GPHN: variants seen among roughly 807,000 people sequenced by gnomAD.
The protein encoded by GPHN is gephyrin.
In GPHN, 17 loss-of-function variants were observed where a neutral mutation model predicts 95.5. That is an observed-to-expected ratio of 0.18 (90% confidence interval 0.12 to 0.27). GPHN has a LOEUF of 0.27. Ranked by LOEUF, GPHN falls within the 10% of genes least tolerant of loss-of-function variation. The pLI is 1.00. For synonymous variants in GPHN, 320 were observed against 322.5 expected, an observed-to-expected ratio of 0.99 and a Z score of 0.08; for missense variants, 660 against 978.1, an observed-to-expected ratio of 0.67 and a Z score of 4.34.
intron 1 of GPHN, among the ~76,000 whole-genome samples, chr14:66,587,825 A>G (rs1032603584): frequency 2.6e-5 from 4 of 152,162 alleles, no homozygotes; most frequent in Non-Finnish European, 4.4e-5. Context: ...GCAGACTTAA[A>G]TGTTCCTGCC....
chr14:66,624,777 A>C (rs1376014649), intron 1 of GPHN, among the ~76,000 whole-genome samples: 1 of 152,226 alleles, frequency 6.6e-6, no homozygotes, highest in African/African-American at 2.4e-5. Context: ...ACTATTTACT[A>C]TCTGCTCTTT....
intron 5 of GPHN, among the ~76,000 whole-genome samples, chr14:66,896,070 T>C (rs1312153157): frequency 1.3e-5 from 2 of 152,108 alleles, no homozygotes; most frequent in Non-Finnish European, 2.9e-5. Flanking sequence ...AGGGGCAAAC[T>C]AGCTCCTGAC....
chr14:67,099,242 C>T (rs113522731), intron 12 of GPHN, among the ~76,000 whole-genome samples: 10,095 of 151,774 alleles, frequency 0.067, 358 homozygotes, highest in Middle Eastern at 0.085. Flanking sequence ...CCCGAGTAGC[C>T]GGGATTACAG....
At chr14:67,469,161 A>G in the GPHN span, among the ~76,000 whole-genome samples, 2 of 152,252 alleles carry the variant, frequency 1.3e-5, no homozygotes, top group African/African-American at 2.4e-5. Context: ...AAAACCTTCA[A>G]GTGAGGGAGG....
At chr14:66,926,187 C>T (rs1334793125) in intron 8 of GPHN, among the ~76,000 whole-genome samples, 2 of 152,030 alleles carry the variant, frequency 1.3e-5, no homozygotes, top group Admixed American at 1.3e-4. Context: ...TCTCCCATAC[C>T]TTGGATTCTC....
the GPHN span, among the ~76,000 whole-genome samples, chr14:67,195,313 C>T: frequency 1.8e-4 from 27 of 152,150 alleles, no homozygotes; most frequent in Admixed American, 1.7e-3. Context: ...TCATTTCCTC[C>T]TCCCTCTCTG....
intron 2 of GPHN, among the ~76,000 whole-genome samples, chr14:66,759,285 A>G (rs1195868274): frequency 2.6e-5 from 4 of 152,154 alleles, no homozygotes; most frequent in African/African-American, 4.8e-5. Context: ...TTTACTCACC[A>G]CAGGTTAGGA....
chr14:66,853,196 G>C (rs2062666479), intron 4 of GPHN, among the ~76,000 whole-genome samples: 1 of 152,112 alleles, frequency 6.6e-6, no homozygotes, highest in African/African-American at 2.4e-5. Flanking sequence ...ATCAAGTAAA[G>C]AGTAATCTTT....
chr14:67,138,828 A>G (rs1211000611), intron 17 of GPHN, among the ~76,000 whole-genome samples: 2 of 149,860 alleles, frequency 1.3e-5, no homozygotes, highest in African/African-American at 2.5e-5. Context: ...ATGTTCACAC[A>G]TGCAGTTTTC....
intron 3 of GPHN, among the ~76,000 whole-genome samples, chr14:66,781,508 G>A (rs754129397): frequency 5.3e-5 from 8 of 152,076 alleles, no homozygotes; most frequent in Non-Finnish European, 8.8e-5. Context: ...GTGAGCCACC[G>A]CGCCCAGCCT....
At chr14:67,702,990 G>GTT in the GPHN span, among the ~76,000 whole-genome samples, 18 of 149,118 alleles carry the variant, frequency 1.2e-4, no homozygotes, top group African/African-American at 1.5e-4. Context: ...ACTTAAAAAA[G>GTT]TTTTTTTTTT....
intron 12 of GPHN, among the ~76,000 whole-genome samples, chr14:67,096,943 C>T (rs1342354551): frequency 6.6e-6 from 1 of 152,004 alleles, no homozygotes; most frequent in Non-Finnish European, 1.5e-5. Context: ...ATATATGGAT[C>T]AGCAAAAAGT....
the GPHN span, chr14:67,569,722 G>A: frequency 1.7e-6 from 1 of 597,976 alleles, no homozygotes; most frequent in Non-Finnish European, 3.0e-6. Context: ...ATTCTTTTGT[G>A]AGGGATCCTT....
intron 3 of GPHN, among the ~76,000 whole-genome samples, chr14:66,815,880 G>A (rs559182670): frequency 6.6e-5 from 10 of 152,132 alleles, no homozygotes; most frequent in Admixed American, 2.0e-4. Context: ...ATAAAGAACC[G>A]AGACCCATTG....
the GPHN span, among the ~76,000 whole-genome samples, chr14:67,611,601 A>T: frequency 6.6e-6 from 1 of 152,086 alleles, no homozygotes; most frequent in Non-Finnish European, 1.5e-5. Context: ...TGGTAAACTG[A>T]GTTCTTTCCC....
chr14:67,603,196 A>G, the GPHN span, among the ~76,000 whole-genome samples: 5 of 152,126 alleles, frequency 3.3e-5, no homozygotes, highest in Admixed American at 2.0e-4. Flanking sequence ...CAGCCCCTCA[A>G]GTATCTAGGG....
chr14:66,802,853 T>C (rs2060409153), intron 3 of GPHN, among the ~76,000 whole-genome samples: 1 of 152,168 alleles, frequency 6.6e-6, no homozygotes, highest in South Asian at 2.1e-4. Context: ...CCTCACACTT[T>C]GTCTCCTCTC....
chr14:66,834,560 T>C (rs1223607488), intron 4 of GPHN, among the ~76,000 whole-genome samples: 1 of 151,736 alleles, frequency 6.6e-6, no homozygotes, highest in African/African-American at 2.4e-5. Context: ...ATTACATTTA[T>C]TGATTTGCGT....
At chr14:66,744,945 T>A (rs966109674) in intron 2 of GPHN, among the ~76,000 whole-genome samples, 16 of 152,140 alleles carry the variant, frequency 1.1e-4, no homozygotes, top group African/African-American at 3.1e-4. Flanking sequence ...GATTCGTCCC[T>A]GTGGTAGAAG....
Sources: gnomAD v4.1 joint callset for allele counts (sites outside exome capture counted in the v4.1 genomes callset) on GRCh38, gnomAD v4.1.1 for gene constraint, MANE v1.5 for transcripts, NCBI Gene and HGNC (gene_info 2026-07-23, HGNC 2026-07-21) for gene names.